The following IGFL2 variants were observed in gnomAD, a reference collection of about 807,000 sequenced individuals.
IGFL2 encodes insulin growth factor-like family member 2.
In IGFL2, 7 loss-of-function variants were observed where a neutral mutation model predicts 13.9. The ratio of observed to expected loss-of-function variants is 0.51; its 90% CI spans 0.29 to 0.95. The LOEUF (loss-of-function observed/expected upper bound fraction) is 0.95, where lower values mean the gene tolerates loss of function less well. Among genes scored for constraint, IGFL2 ranks in the 40% least tolerant of loss-of-function variants. The pLI is 0.08. For missense variants in IGFL2, 138 were observed against 147.8 expected (o/e 0.93, Z 0.34); for synonymous variants, 55 against 55.8 (o/e 0.99, Z 0.07).
At chr19:46,173,413 C>A in the IGFL2 span, 1 of 152,186 alleles carries the variant, frequency 6.6e-6, no homozygotes, top group Non-Finnish European at 1.5e-5. Flanking sequence ...AAATGAATAC[C>A]TGAGGCTTGG....
chr19:46,153,678 A>G lies in IGFL2; in HGVS notation c.19+5381A>G, dbSNP rs1600916025. Among the ~76,000 whole-genome samples the G allele has an allele frequency of 2.0e-5, 3 of 151,990 alleles. No individual in the cohort carries two copies. The South Asian group carries it at 6.2e-4, about 32-fold the overall frequency. On this transcript the variant is annotated intron_variant, in intron 1 of 3. Transcript: ENST00000377693. ...ATATAATTGCTTATATAATTACACA[A>G]TTCTATTTTATTAGTGCTCTCCAGA... is the stretch of plus-strand genomic sequence containing the variant.
chr19:46,094,026 C>T, the IGFL2 span, among the ~76,000 whole-genome samples: 13 of 138,970 alleles, frequency 9.4e-5, no homozygotes, highest in African/African-American at 3.2e-4. Context: ...ACTTAACAGC[C>T]TTGGAGGATT....
chr19:46,131,621 G>A, the IGFL2 span, among the ~76,000 whole-genome samples: 20 of 152,238 alleles, frequency 1.3e-4, no homozygotes, highest in African/African-American at 4.3e-4. Flanking sequence ...AGGCTGAAGC[G>A]AATATGACTG....
chr19:46,100,145 G>C, the IGFL2 span, among the ~76,000 whole-genome samples: 1 of 152,116 alleles, frequency 6.6e-6, no homozygotes, highest in East Asian at 1.9e-4. Flanking sequence ...CCTCCACCCA[G>C]TTCTGTACCC....
chr19:46,185,872 A>G, the IGFL2 span, among the ~76,000 whole-genome samples: 2 of 152,074 alleles, frequency 1.3e-5, no homozygotes, highest in African/African-American at 4.8e-5. Context: ...GGTCATGTAC[A>G]TGCCAGGCAG....
chr19:46,132,057 C>T, the IGFL2 span, among the ~76,000 whole-genome samples: 1 of 152,164 alleles, frequency 6.6e-6, no homozygotes, highest in Non-Finnish European at 1.5e-5. Flanking sequence ...TAAGAATATT[C>T]TTGGCCAACA....
the IGFL2 span, among the ~76,000 whole-genome samples, chr19:46,194,560 G>A: frequency 1.1e-4 from 17 of 152,186 alleles, no homozygotes; most frequent in African/African-American, 3.4e-4. Context: ...GGTGGCTCAC[G>A]CCTGTAATCC....
chr19:46,169,988 T>A, the IGFL2 span, among the ~76,000 whole-genome samples: 1 of 152,134 alleles, frequency 6.6e-6, no homozygotes, highest in Non-Finnish European at 1.5e-5. Context: ...CATTCCAAAT[T>A]GATCTCAGAT....
chr19:46,151,238 G>A (rs555079029), intron 1 of IGFL2, among the ~76,000 whole-genome samples: 2 of 152,238 alleles, frequency 1.3e-5, no homozygotes, highest in Non-Finnish European at 2.9e-5. Flanking sequence ...CTTGTATTTA[G>A]GTCTGTGATA....
At position 46,160,671 on chromosome 19, in the gene IGFL2, TCTA is replaced by T. The variant is rs745951218; in HGVS notation, c.133_135del (p.Tyr45del). On this transcript the variant is annotated inframe_deletion, in exon 3 of 4. Coordinates refer to ENST00000377693, the MANE Select transcript of IGFL2 (RefSeq NM_001135113.2). ...CCGGCACCCAGGTGTGGAGACAAGA[TCTA>T]CAACCCCTTGGAGCAGTGCTGTTAC... The T allele has an allele frequency of 6.2e-7, 1 of 1,614,006 alleles. No individual in the cohort carries two copies. Among genetic ancestry groups the T allele is most frequent in the African/African-American group, 1.3e-5 (1 of 74,896 alleles).
the IGFL2 span, among the ~76,000 whole-genome samples, chr19:46,193,662 A>G: frequency 6.6e-6 from 1 of 152,202 alleles, no homozygotes; most frequent in Non-Finnish European, 1.5e-5. Context: ...GAAGAAACAG[A>G]AATTTGCACT....
the IGFL2 span, chr19:46,189,834 C>A: frequency 6.6e-6 from 1 of 151,828 alleles, no homozygotes; most frequent in Non-Finnish European, 1.5e-5. Context: ...CGATCTATAT[C>A]TAGTATAACT....
chr19:46,142,937 C>T (rs1972924426), upstream of IGFL2, among the ~76,000 whole-genome samples: 1 of 152,174 alleles, frequency 6.6e-6, no homozygotes, highest in Non-Finnish European at 1.5e-5. Context: ...TGAAGAATAC[C>T]TGTACATTAC....
chr19:46,079,068 T>A, the IGFL2 span, among the ~76,000 whole-genome samples: 1 of 112,710 alleles, frequency 8.9e-6, no homozygotes, highest in Non-Finnish European at 1.9e-5. Context: ...TCAGTAGACA[T>A]CGCGCAGGCG....
At chr19:46,120,351 C>T in the IGFL2 span, 1 of 1,611,144 alleles carries the variant, frequency 6.2e-7, no homozygotes, top group South Asian at 1.1e-5. Flanking sequence ...GGACGTGCCT[C>T]CTGTTCCTAT....
the IGFL2 span, among the ~76,000 whole-genome samples, chr19:46,098,478 C>CT: frequency 0.056 from 7,235 of 128,362 alleles, 346 homozygotes; most frequent in African/African-American, 0.087. Context: ...CAATCTGTGT[C>CT]TTTTTTTTTT....
At chr19:46,170,607 G>A in the IGFL2 span, among the ~76,000 whole-genome samples, 6 of 152,246 alleles carry the variant, frequency 3.9e-5, no homozygotes, top group East Asian at 1.9e-4. Context: ...ACGGAAAACA[G>A]GTAAGAGAAA....
At chr19:46,114,756 C>T in the IGFL2 span, among the ~76,000 whole-genome samples, 2 of 152,220 alleles carry the variant, frequency 1.3e-5, no homozygotes, top group Admixed American at 6.5e-5. Flanking sequence ...CAGAGACCTT[C>T]CCAGCCAAGC....
the IGFL2 span, among the ~76,000 whole-genome samples, chr19:46,094,688 C>T: frequency 6.6e-6 from 1 of 152,100 alleles, no homozygotes; most frequent in Non-Finnish European, 1.5e-5. Flanking sequence ...CTCCCCTGCC[C>T]CCACTGACAG....
Sources: allele counts gnomAD v4.1 joint callset (sites outside exome capture counted in the v4.1 genomes callset), GRCh38; gene constraint gnomAD v4.1.1; transcripts MANE v1.5; gene names NCBI Gene and HGNC (gene_info 2026-07-23, HGNC 2026-07-21).